The following PTPRD variants were observed in gnomAD, a reference collection of about 807,000 sequenced individuals.
The protein encoded by PTPRD is protein tyrosine phosphatase receptor type D, also known as receptor-type tyrosine-protein phosphatase delta.
In PTPRD, 34 loss-of-function variants were observed where a neutral mutation model predicts 214.5. That is an observed-to-expected ratio of 0.16 (90% confidence interval 0.12 to 0.21). The LOEUF is 0.21. PTPRD is among the 10% of genes least tolerant of loss of function. PTPRD has a pLI of 1.00. For missense variants in PTPRD, 2,545 were observed against 2,398.7 expected (o/e 1.06, Z -1.27); for synonymous variants, 1,128 against 845.7 (o/e 1.33, Z -5.79).
chr9:8,741,425 T>A (rs1388168044), intron 11 of PTPRD, among the ~76,000 whole-genome samples: 1 of 152,144 alleles, frequency 6.6e-6, no homozygotes, highest in African/African-American at 2.4e-5. Flanking sequence ...CCGTTGGAAC[T>A]CTAATATTTG....
intron 3 of PTPRD, among the ~76,000 whole-genome samples, chr9:10,239,817 C>A (rs542478917): frequency 3.3e-5 from 5 of 151,896 alleles, no homozygotes; most frequent in Non-Finnish European, 5.9e-5. Context: ...GATCTTCTCC[C>A]GCCCTCCTGC....
At chr9:10,192,543 C>G (rs1452282414) in intron 3 of PTPRD, among the ~76,000 whole-genome samples, 3 of 148,926 alleles carry the variant, frequency 2.0e-5, no homozygotes. Flanking sequence ...TTAGTGGTTT[C>G]AATAGGAGGA....
intron 9 of PTPRD, among the ~76,000 whole-genome samples, chr9:9,342,217 A>C (rs1343226604): frequency 6.6e-6 from 1 of 152,198 alleles, no homozygotes; most frequent in East Asian, 1.9e-4. Context: ...AGTGATATTC[A>C]AGCAATACTG....
At chr9:8,731,929 G>A (rs749006582) in intron 12 of PTPRD, among the ~76,000 whole-genome samples, 4 of 152,194 alleles carry the variant, frequency 2.6e-5, no homozygotes, top group Non-Finnish European at 5.9e-5. Flanking sequence ...AATGGGAGGA[G>A]TGAGAGGGAG....
intron 26 of PTPRD, among the ~76,000 whole-genome samples, chr9:8,496,641 G>A (rs903821257): frequency 1.3e-5 from 2 of 152,148 alleles, no homozygotes; most frequent in Non-Finnish European, 1.5e-5. Context: ...GCCACTTCTA[G>A]TTAGAGTTAA....
At chr9:10,381,713 A>G (rs2078575809) in intron 2 of PTPRD, among the ~76,000 whole-genome samples, 1 of 151,996 alleles carries the variant, frequency 6.6e-6, no homozygotes, top group Non-Finnish European at 1.5e-5. Context: ...ATACAAAGTT[A>G]TCTACAGATT....
intron 4 of PTPRD, among the ~76,000 whole-genome samples, chr9:9,952,479 A>C (rs2093545962): frequency 1.3e-5 from 2 of 152,144 alleles, no homozygotes; most frequent in South Asian, 4.1e-4. Context: ...TGGAAAATAG[A>C]ATGATGGTAA....
At chr9:9,115,208 G>A (rs761149511) in intron 10 of PTPRD, among the ~76,000 whole-genome samples, 2 of 152,166 alleles carry the variant, frequency 1.3e-5, no homozygotes, top group South Asian at 2.1e-4. Flanking sequence ...CTACAGGGCA[G>A]GGAAGCAAGT....
At chr9:9,592,137 A>C (rs1164269530) in intron 7 of PTPRD, among the ~76,000 whole-genome samples, 2 of 152,066 alleles carry the variant, frequency 1.3e-5, no homozygotes, top group Non-Finnish European at 2.9e-5. Context: ...TTGTCATAAC[A>C]CTTGCTATGA....
chr9:9,255,377 C>A (rs1445843154), intron 9 of PTPRD, among the ~76,000 whole-genome samples: 1 of 151,958 alleles, frequency 6.6e-6, no homozygotes, highest in African/African-American at 2.4e-5. Flanking sequence ...TTGTTTCCTC[C>A]TACTTATAGC....
intron 34 of PTPRD, among the ~76,000 whole-genome samples, chr9:8,441,131 C>A (rs779035772): frequency 1.3e-5 from 2 of 152,250 alleles, no homozygotes; most frequent in Middle Eastern, 3.4e-3. Flanking sequence ...ACAGAAAATA[C>A]GCTCATTCCC....
chr9:9,972,120 C>T (rs915950665), intron 4 of PTPRD, among the ~76,000 whole-genome samples: 5 of 152,158 alleles, frequency 3.3e-5, no homozygotes, highest in Non-Finnish European at 7.4e-5. Flanking sequence ...TCCTATTTAT[C>T]TGGTTACGTA....
chr9:10,086,212 G>T (rs1427136649), intron 3 of PTPRD, among the ~76,000 whole-genome samples: 1 of 151,796 alleles, frequency 6.6e-6, no homozygotes, highest in African/African-American at 2.4e-5. Flanking sequence ...TATATCATTT[G>T]TGTAACAGCG....
At chr9:9,582,383 A>G (rs2091024757) in intron 7 of PTPRD, among the ~76,000 whole-genome samples, 2 of 152,044 alleles carry the variant, frequency 1.3e-5, no homozygotes, top group South Asian at 2.1e-4. Context: ...GCAGTCATAT[A>G]TCATAAGAGG....
At chr9:9,344,796 T>C (rs978471494) in intron 9 of PTPRD, among the ~76,000 whole-genome samples, 6 of 152,056 alleles carry the variant, frequency 3.9e-5, no homozygotes, top group Admixed American at 2.6e-4. Context: ...TTTAAAAAAC[T>C]TCTAATGAGA....
At chr9:9,631,253 G>C (rs1435893233) in intron 7 of PTPRD, among the ~76,000 whole-genome samples, 5 of 150,350 alleles carry the variant, frequency 3.3e-5, no homozygotes, top group Non-Finnish European at 7.4e-5. Context: ...AAAAGAAAGA[G>C]TGAGCTCTGG....
chr9:10,589,021 T>C (rs1298560715), intron 2 of PTPRD, among the ~76,000 whole-genome samples: 1 of 152,026 alleles, frequency 6.6e-6, no homozygotes, highest in Non-Finnish European at 1.5e-5. Flanking sequence ...AGAAAATGAA[T>C]ATATATTTGC....
intron 7 of PTPRD, among the ~76,000 whole-genome samples, chr9:9,629,175 A>C (rs942073881): frequency 6.6e-6 from 1 of 150,998 alleles, no homozygotes; most frequent in Non-Finnish European, 1.5e-5. Flanking sequence ...CTCTGTGAAA[A>C]AATAAATAAA....
chr9:9,743,816 G>A (rs980726472), intron 6 of PTPRD, among the ~76,000 whole-genome samples: 1 of 149,806 alleles, frequency 6.7e-6, no homozygotes, highest in African/African-American at 2.5e-5. Flanking sequence ...TTAAAGGTGG[G>A]TTCGATGATT....
Sources: gnomAD v4.1 joint callset for allele counts (sites outside exome capture counted in the v4.1 genomes callset) on GRCh38, gnomAD v4.1.1 for gene constraint, MANE v1.5 for transcripts, NCBI Gene and HGNC (gene_info 2026-07-23, HGNC 2026-07-21) for gene names.